The following MYRFL variants were observed in gnomAD, a reference collection of about 807,000 sequenced individuals.
The protein encoded by MYRFL is myelin regulatory factor like.
A neutral mutation model predicts 109.4 loss-of-function variants in MYRFL; 88 were observed. The ratio of observed to expected loss-of-function variants is 0.80; its 90% CI spans 0.68 to 0.96. MYRFL has a LOEUF of 0.96. Ranked by LOEUF, MYRFL falls within the 40% of genes least tolerant of loss-of-function variation. The pLI is 0.00. For missense variants in MYRFL, 957 were observed against 954.9 expected, an observed-to-expected ratio of 1.00 and a Z score of -0.03; for synonymous variants, 324 against 320.9, an observed-to-expected ratio of 1.01 and a Z score of -0.10.
At chr12:69,853,831 C>T (rs949651246) in intron 1 of MYRFL, among the ~76,000 whole-genome samples, 6 of 151,516 alleles carry the variant, frequency 4.0e-5, no homozygotes, top group South Asian at 2.1e-4. Context: ...GACGGGATCG[C>T]GGCCGGGAAG....
At chr12:69,939,102 G>A (rs1033945069) in intron 19 of MYRFL, among the ~76,000 whole-genome samples, 8 of 152,230 alleles carry the variant, frequency 5.3e-5, no homozygotes, top group Non-Finnish European at 7.3e-5. Context: ...CAAGGCGGCA[G>A]CGAGGCTGGG....
chr12:69,859,610 T>C (rs980857668), intron 2 of MYRFL, among the ~76,000 whole-genome samples: 27 of 152,240 alleles, frequency 1.8e-4, no homozygotes, highest in African/African-American at 4.3e-4. Flanking sequence ...TGTTCCTTTT[T>C]ATCTCCTTTT....
intron 13 of MYRFL, among the ~76,000 whole-genome samples, chr12:69,924,487 C>T (rs534676630): frequency 6.6e-6 from 1 of 152,216 alleles, no homozygotes; most frequent in South Asian, 2.1e-4. Flanking sequence ...TGCAAATGTA[C>T]CACAGTTTAT....
rs992127106 is a variant in MYRFL, at chr12:69,825,575, A to G, written c.46+12A>G. The G allele has an allele frequency of 2.7e-5, 19 of 700,918 alleles. No individual in the cohort carries two copies. Among genetic ancestry groups the G allele is most frequent in the African/African-American group, 1.9e-4 (11 of 57,108 alleles). 43.4% of individuals were successfully genotyped at this position (700,918 alleles called of 1,614,324 possible). ...GCAGTTCTTTGAAGGTAAGAGGCCAATTTCCAGCATGAATTTGCTGCTTCT... is the reference window on the plus strand; with the variant it reads ...GCAGTTCTTTGAAGGTAAGAGGCCAGTTTCCAGCATGAATTTGCTGCTTCT... On this transcript the variant is annotated intron_variant, in intron 1 of 24. Coordinates refer to ENST00000552032, the MANE Select transcript of MYRFL (RefSeq NM_182530.3).
chr12:69,948,661 C>T (rs973360258), intron 19 of MYRFL, among the ~76,000 whole-genome samples: 2 of 152,132 alleles, frequency 1.3e-5, no homozygotes, highest in Non-Finnish European at 2.9e-5. Context: ...AGCTAGAATC[C>T]AAGAAATCTG....
chr12:69,904,693 C>A (rs1048930107), intron 11 of MYRFL, among the ~76,000 whole-genome samples: 1 of 152,176 alleles, frequency 6.6e-6, no homozygotes, highest in Non-Finnish European at 1.5e-5. Context: ...GCTACTAACA[C>A]CTCATTCCAA....
At chr12:69,937,404 G>A (rs1054480598) in intron 19 of MYRFL, among the ~76,000 whole-genome samples, 1 of 152,054 alleles carries the variant, frequency 6.6e-6, no homozygotes, top group African/African-American at 2.4e-5. Context: ...AAATAACAGT[G>A]GCTTCTTTAT....
intron 1 of MYRFL, among the ~76,000 whole-genome samples, chr12:69,828,820 A>G (rs780839669): frequency 3.9e-5 from 6 of 152,272 alleles, no homozygotes; most frequent in African/African-American, 9.6e-5. Context: ...CTATCTTGAT[A>G]TCAGAGGACT....
At chr12:69,881,548 C>G (rs556808027) in intron 5 of MYRFL, among the ~76,000 whole-genome samples, 6 of 152,362 alleles carry the variant, frequency 3.9e-5, no homozygotes, top group African/African-American at 1.4e-4. Flanking sequence ...AGAGCTGATT[C>G]TCTGAGGGAC....
intron 2 of MYRFL, among the ~76,000 whole-genome samples, chr12:69,865,125 C>T (rs1444732004): frequency 6.6e-6 from 1 of 152,188 alleles, no homozygotes; most frequent in Non-Finnish European, 1.5e-5. Context: ...TAACAAAAGA[C>T]AGGCTAACAA....
chr12:69,944,149 A>G (rs1460311689), intron 19 of MYRFL, among the ~76,000 whole-genome samples: 1 of 149,312 alleles, frequency 6.7e-6, no homozygotes, highest in Non-Finnish European at 1.5e-5. Context: ...ATCTAGAACT[A>G]GAAATACCAT....
At chr12:69,888,629 A>G (rs994651453) in intron 6 of MYRFL, among the ~76,000 whole-genome samples, 1 of 152,190 alleles carries the variant, frequency 6.6e-6, no homozygotes, top group African/African-American at 2.4e-5. Flanking sequence ...TATAACTCTT[A>G]CTGATTGATT....
At chr12:69,827,531 C>A (rs1342268010) in intron 1 of MYRFL, among the ~76,000 whole-genome samples, 1 of 151,920 alleles carries the variant, frequency 6.6e-6, no homozygotes. Flanking sequence ...ATCGCAACAT[C>A]CTCTGGAAAC....
At chr12:69,858,334 G>T (rs1884426592) in intron 2 of MYRFL, among the ~76,000 whole-genome samples, 2 of 151,576 alleles carry the variant, frequency 1.3e-5, no homozygotes, top group African/African-American at 4.8e-5. Flanking sequence ...TATTTTTTCT[G>T]GGTTTGGTAT....
intron 1 of MYRFL, among the ~76,000 whole-genome samples, chr12:69,849,548 A>G (rs1340947484): frequency 6.6e-6 from 1 of 152,222 alleles, no homozygotes; most frequent in Non-Finnish European, 1.5e-5. Flanking sequence ...CTGTTTCACA[A>G]TTGTGAAAAT....
At chr12:69,937,811 A>G (rs1169946410) in intron 19 of MYRFL, among the ~76,000 whole-genome samples, 1 of 152,202 alleles carries the variant, frequency 6.6e-6, no homozygotes, top group African/African-American at 2.4e-5. Context: ...CCCTTTTGAC[A>G]TTATTGCATA....
intron 6 of MYRFL, among the ~76,000 whole-genome samples, chr12:69,889,000 G>A (rs899114983): frequency 5.3e-5 from 8 of 152,188 alleles, no homozygotes; most frequent in African/African-American, 1.9e-4. Flanking sequence ...CAATGACTCA[G>A]TAACTTGATC....
At position 69,936,648 on chromosome 12, in the gene MYRFL, A is replaced by G. The variant is rs888258432; in HGVS notation, c.2224+16A>G. On this transcript the variant is annotated intron_variant, in intron 19 of 24. Transcript: ENST00000552032. ...CGATGGTCAGGTAAATGATGTTCAAAGAGAAACAACTAGAGCTTTGAACTT... is the reference window on the plus strand; with the variant it reads ...CGATGGTCAGGTAAATGATGTTCAAGGAGAAACAACTAGAGCTTTGAACTT... 25 of 1,491,012 alleles carry G rather than the reference A, an allele frequency of 1.7e-5. No individual in the cohort carries two copies. The highest frequency in any genetic ancestry group is 2.1e-5 in the Non-Finnish European group (24 of 1,122,248). 92.4% of individuals were successfully genotyped at this position (1,491,012 alleles called of 1,614,324 possible).
intron 13 of MYRFL, among the ~76,000 whole-genome samples, chr12:69,913,835 G>T (rs1954652330): frequency 6.6e-6 from 1 of 152,156 alleles, no homozygotes; most frequent in Non-Finnish European, 1.5e-5. Flanking sequence ...TTCTGCAAAA[G>T]ACAACGTTGG....
Sources: allele counts gnomAD v4.1 joint callset (sites outside exome capture counted in the v4.1 genomes callset), GRCh38; gene constraint gnomAD v4.1.1; transcripts MANE v1.5; gene names NCBI Gene and HGNC (gene_info 2026-07-23, HGNC 2026-07-21).